The following UBOX5 variants were observed in gnomAD, a reference collection of about 807,000 sequenced individuals.
UBOX5 encodes the protein RING finger protein 37.
In UBOX5, 28 loss-of-function variants were observed where a neutral mutation model predicts 39.0. The ratio of observed to expected loss-of-function variants is 0.72; its 90% CI spans 0.53 to 0.98. UBOX5 has a LOEUF of 0.98. Among genes scored for constraint, UBOX5 ranks in the 50% least tolerant of loss-of-function variants. UBOX5 has a pLI of 0.00. For missense variants in UBOX5, 585 were observed against 674.4 expected (o/e 0.87, Z 1.47); for synonymous variants, 283 against 275.5 (o/e 1.03, Z -0.27).
intron 3 of UBOX5, among the ~76,000 whole-genome samples, chr20:3,117,287 G>GCACACACACACACA (rs11468015): frequency 6.8e-6 from 1 of 147,414 alleles, no homozygotes; most frequent in Admixed American, 6.8e-5. Context: ...ACCAAAGATG[G>GCACACACACACACA]CACACACACA....
At chr20:3,133,528 T>C (rs2066445549) in intron 1 of UBOX5, among the ~76,000 whole-genome samples, 1 of 151,602 alleles carries the variant, frequency 6.6e-6, no homozygotes. Flanking sequence ...CAGATAATAA[T>C]GGCATTGTAA....
chr20:3,143,097 CTTTTTTT>C (rs35450698), intron 1 of UBOX5, among the ~76,000 whole-genome samples: 5 of 72,474 alleles, frequency 6.9e-5, no homozygotes, highest in Non-Finnish European at 1.2e-4. Context: ...AATCATCTGT[CTTTTTTT>C]TTTTTTTTTT....
chr20:3,149,080 A>G lies in UBOX5; in HGVS notation c.-42+10686T>C, dbSNP rs564214192. On this transcript the variant is annotated intron_variant, in intron 1 of 4. Transcript: ENST00000217173. This position sits in a 1 kb window ranked among gnomAD's most constrained non-coding sequence, Gnocchi z 4.1. ...TGAGAGTAGCTGCCATTCTGGTGTC[A>G]GTATTGATCTCTTTGGCAGTCAGAA... 6.3e-7 allele frequency: 1 copy of G among 1,598,956 alleles called. No individual in the cohort carries two copies. The highest frequency in any genetic ancestry group is 1.1e-5 in the South Asian group (1 of 88,742).
chr20:3,125,414 G>GCCA (rs2148598497), intron 1 of UBOX5, among the ~76,000 whole-genome samples: 1 of 108,588 alleles, frequency 9.2e-6, no homozygotes, highest in African/African-American at 3.6e-5. Flanking sequence ...CTGCCCGGCC[G>GCCA]CCCATCATCT....
At chr20:3,125,453 G>GCCA (rs2066377141) in intron 1 of UBOX5, among the ~76,000 whole-genome samples, 2 of 127,654 alleles carry the variant, frequency 1.6e-5, no homozygotes, top group African/African-American at 3.0e-5. Flanking sequence ...CTGCCCGGCC[G>GCCA]CCCCGTCTGA....
intron 1 of UBOX5, among the ~76,000 whole-genome samples, chr20:3,132,809 G>A (rs2066439733): frequency 7.7e-6 from 1 of 130,414 alleles, no homozygotes; most frequent in African/African-American, 3.1e-5. Flanking sequence ...GACAGAGTGG[G>A]ACTGTCTCAA....
intron 3 of UBOX5, among the ~76,000 whole-genome samples, chr20:3,120,285 T>G (rs1397196404): frequency 6.8e-6 from 1 of 147,136 alleles, no homozygotes; most frequent in African/African-American, 2.6e-5. Flanking sequence ...AGGCGGAGGT[T>G]GCAGTGAGCC....
chr20:3,158,461 C>CTTATTTAT (rs537505430), intron 1 of UBOX5, among the ~76,000 whole-genome samples: 1 of 151,716 alleles, frequency 6.6e-6, no homozygotes, highest in East Asian at 1.9e-4. Flanking sequence ...ATTTTATTTA[C>CTTATTTAT]TTATTTATTT....
At chr20:3,125,572 A>C (rs1353184145) in intron 1 of UBOX5, among the ~76,000 whole-genome samples, 22 of 49,338 alleles carry the variant, frequency 4.5e-4, no homozygotes, top group Non-Finnish European at 7.0e-4. Context: ...CCGGCCGCCC[A>C]TCGTCTGGGA....
At chr20:3,154,472 G>A (rs570599416) in intron 1 of UBOX5, among the ~76,000 whole-genome samples, 25 of 152,204 alleles carry the variant, frequency 1.6e-4, no homozygotes, top group African/African-American at 5.5e-4. Flanking sequence ...ACTTGAGGCC[G>A]GGAGTTTGAG....
rs550385621 is a variant in UBOX5, at chr20:3,149,363, A to G, written c.-42+10403T>C. 7 of 377,796 alleles carry G rather than the reference A, an allele frequency of 1.9e-5. No individual in the cohort carries two copies. Among genetic ancestry groups the G allele is most frequent in the Non-Finnish European group, 2.9e-5 (6 of 209,788 alleles). 23.4% of individuals were successfully genotyped at this position (377,796 alleles called of 1,614,324 possible). ...TGAAACTACACTGCTGTCTACTCAA[A>G]TAAGTTCAATGCTAGTAAATGCCCA... On this transcript the variant is annotated intron_variant, in intron 1 of 4. Coordinates refer to ENST00000217173, the MANE Select transcript of UBOX5 (RefSeq NM_014948.4). The surrounding 1 kb of genome is among the most constrained non-coding windows in gnomAD (Gnocchi z 4.1).
rs538757108 is a variant in UBOX5, at chr20:3,118,210, T to A, written c.1256-2744A>T. Reference sequence around the variant, plus strand: ...TTAACAGGCCGGGCACTATCGCTCATGCCTGTAATCCCAGCACTTTGGGAG... The same window carrying A: ...TTAACAGGCCGGGCACTATCGCTCAAGCCTGTAATCCCAGCACTTTGGGAG... On this transcript the variant is annotated intron_variant, in intron 3 of 4. Coordinates refer to ENST00000217173, the MANE Select transcript of UBOX5 (RefSeq NM_014948.4). Among the ~76,000 whole-genome samples the A allele has an allele frequency of 1.3e-4, 20 of 149,268 alleles. 1 individual carries two copies. The highest frequency in any genetic ancestry group is 1.1e-3 in the Admixed American group (17 of 14,990).
At chr20:3,159,360 A>C (rs2066722532) in intron 1 of UBOX5, among the ~76,000 whole-genome samples, 1 of 152,310 alleles carries the variant, frequency 6.6e-6, no homozygotes, top group East Asian at 1.9e-4. Flanking sequence ...TTAGGAACAC[A>C]GTTATCTCAG....
chr20:3,118,606 TA>T (rs2066311209), intron 3 of UBOX5, among the ~76,000 whole-genome samples: 1 of 151,930 alleles, frequency 6.6e-6, no homozygotes, highest in Admixed American at 6.6e-5. Context: ...CCGTCTCTAC[TA>T]AAAGTATTAA....
At chr20:3,132,895 G>A (rs2066440414) in intron 1 of UBOX5, among the ~76,000 whole-genome samples, 2 of 151,866 alleles carry the variant, frequency 1.3e-5, no homozygotes, top group Admixed American at 1.3e-4. Flanking sequence ...GCCAAGGCAG[G>A]GGGATTGCTT....
intron 1 of UBOX5, chr20:3,148,447 AT>A (rs1253220696): frequency 6.2e-7 from 1 of 1,614,156 alleles, no homozygotes; most frequent in Admixed American, 1.7e-5. Flanking sequence ...CTTTCAAAAC[AT>A]TGATCAGATC....
chr20:3,145,610 A>G (rs1360635480), intron 1 of UBOX5, among the ~76,000 whole-genome samples: 2 of 151,480 alleles, frequency 1.3e-5, no homozygotes, highest in African/African-American at 4.8e-5. Flanking sequence ...GGCTAATTTT[A>G]TTTTTTTGCA....
intron 1 of UBOX5, among the ~76,000 whole-genome samples, chr20:3,126,370 C>T (rs1026138816): frequency 2.6e-5 from 4 of 151,972 alleles, no homozygotes; most frequent in East Asian, 1.9e-4. Context: ...ACAAACACTG[C>T]GGAAGGCCGC....
At chr20:3,146,796 CT>C in intron 1 of UBOX5, 1 of 1,613,962 alleles carries the variant, frequency 6.2e-7, no homozygotes, top group Non-Finnish European at 8.5e-7. Context: ...GAGGTGAATA[CT>C]TTCTCATGAA....
Sources: gnomAD v4.1 joint callset for allele counts (sites outside exome capture counted in the v4.1 genomes callset) on GRCh38, gnomAD v4.1.1 for gene constraint, Gnocchi (gnomAD v3.1) non-coding constraint, MANE v1.5 for transcripts, NCBI Gene and HGNC (gene_info 2026-07-23, HGNC 2026-07-21) for gene names.